Variants in TFR2 observed in about 807,000 individuals in gnomAD.
The protein encoded by TFR2 is transferrin receptor protein 2.
In TFR2, 64 loss-of-function variants were observed where a neutral mutation model predicts 91.9. The ratio of observed to expected loss-of-function variants is 0.70; its 90% confidence interval spans 0.57 to 0.86. The LOEUF is 0.86. Among genes scored for constraint, TFR2 ranks in the 40% least tolerant of loss-of-function variants. The pLI is 0.00. For missense variants in TFR2, 950 were observed against 1,080.5 expected (o/e 0.88, Z 1.69); for synonymous variants, 454 against 459.6 (o/e 0.99, Z 0.15).
In TFR2 at chr7:100,621,013, C is replaced by A. The variant is rs1352362365; in HGVS notation, c.2250G>T (p.Leu750=). ...GGGTCCCGGAGCTGTTGGAGCGCAG[C>A]AGCCGCAGGTGGTCCAGCAGGGCGC... ...TLGALLDHLR[L]LRSNSSGTPG... Residue 750 remains leucine, a synonymous_variant, in exon 18 of 18, where the codon CTG becomes CTT. Transcript: ENST00000223051. The A allele has an allele frequency of 2.5e-6, 4 of 1,603,704 alleles. No individual in the cohort carries two copies. Among genetic ancestry groups the A allele is most frequent in the Non-Finnish European group, 3.4e-6 (4 of 1,175,488 alleles).
At chr7:100,627,043 G>T in intron 16 of TFR2, 140 bp from the exon 17 acceptor site, 2 of 1,388,726 alleles carry the variant, frequency 1.4e-6, no homozygotes, top group Non-Finnish European at 1.9e-6. Flanking sequence ...CGAGGACAGA[G>T]TGCTGGAGGC....
At chr7:100,632,299 A>G in intron 6 of TFR2, 101 bp from the exon 7 acceptor site, 1 of 1,098,688 alleles carries the variant, frequency 9.1e-7, no homozygotes, top group Non-Finnish European at 1.4e-6. Context: ...GCAACTGTCC[A>G]TCCCACGGAG....
intron 17 of TFR2, among the ~76,000 whole-genome samples, chr7:100,624,113 C>G (rs1383734322): frequency 1.3e-5 from 2 of 151,998 alleles, no homozygotes; most frequent in African/African-American, 2.4e-5. Context: ...CACATCACCT[C>G]TCTGCTCAAA....
Position 100,628,269 on chromosome 7 carries a change from C to G in TFR2, c.1428G>C (p.Trp476Cys). Residue 476 changes from tryptophan (W) to cysteine (C), a missense_variant, in exon 11 of 18, where the codon TGG becomes TGC. Transcript: ENST00000223051. The stretch of plus-strand genomic sequence containing the variant: ...CCACGCTTCCAAAGTCACCACCGTC[C>G]CAGCTGATGAAGAGGAGACTTCTGC... ...RPRRSLLFIS[W>C]DGGDFGSVGS... 6.2e-7 allele frequency: 1 copy of G among 1,613,968 alleles called. No homozygotes were observed. Among genetic ancestry groups the G allele is most frequent in the Non-Finnish European group, 8.5e-7 (1 of 1,179,956 alleles).
In TFR2 at chr7:100,629,279, C is replaced by T. The variant is rs41303501; in HGVS notation, c.1364G>A (p.Arg455Gln). 3.0e-3 allele frequency: 4,856 copies of T among 1,614,034 alleles called. 5 individuals are homozygous for T. The highest frequency in any genetic ancestry group is 3.7e-3 in the Non-Finnish European group (4,356 of 1,179,914). The change falls in exon 10 of 18, where the codon CGG (arginine) becomes CAG (glutamine). Residue 455 changes from arginine to glutamine, a missense_variant. Coordinates refer to ENST00000223051, the MANE Select transcript of TFR2 (RefSeq NM_003227.4). ...GTTGCTCACCATGGAGGAAAAGGTC[C>T]GCACCAGCTCCAGGAGTATAGCCGT... The part of the protein sequence containing the change: ...VGTAILLELV[R>Q]TFSSMVSNGF...
chr7:100,641,503 G>A lies in TFR2; in HGVS notation c.7C>T (p.Arg3Trp), dbSNP rs778169466. The change falls in exon 1 of 18, where the codon CGG becomes TGG. Residue 3 changes from arginine to tryptophan, a missense_variant. Physicochemically the swap from Arg to Trp is moderately radical, Grantham distance 101. Transcript: ENST00000223051. ...GCTCTCTGGAATAGACCCCAAAGCC[G>A]CTCCATGCTTGTGTCCCCTCCTGAA... ME[R>W]LWGLFQRAQQ... 8.1e-6 allele frequency: 13 copies of A among 1,613,826 alleles called. No individual in the cohort carries two copies. Among genetic ancestry groups the A allele is most frequent in the Admixed American group, 3.3e-5 (2 of 59,974 alleles).
Position 100,633,496 on chromosome 7 carries a change from G to A in TFR2, c.534C>T (p.Asp178=), listed in dbSNP as rs369114121. The change falls in exon 4 of 18, where the codon GAC becomes GAT. Residue 178 remains aspartate, a synonymous_variant. Coordinates refer to ENST00000223051, the MANE Select transcript of TFR2 (RefSeq NM_003227.4). The part of the protein sequence containing the change: ...GSAGMAALTQ[D]IRAALSRQKL... ...TCTGGCGGGAGAGCGCCGCGCGAAT[G>A]TCCTGAGTCAGAGCGGCCATCCCGG... is the stretch of plus-strand genomic sequence containing the variant. 3.1e-6 allele frequency: 5 copies of A among 1,611,540 alleles called. No homozygotes were observed. The East Asian group carries it at 6.7e-5, about 22-fold the overall frequency.
chr7:100,635,395 C>T (rs1803555428), intron 3 of TFR2, among the ~76,000 whole-genome samples: 1 of 150,738 alleles, frequency 6.6e-6, no homozygotes, highest in South Asian at 2.1e-4. Context: ...GCATGCACCA[C>T]CATACTGGGC....
At chr7:100,630,244 C>A in intron 9 of TFR2, among the ~76,000 whole-genome samples, 1 of 150,926 alleles carries the variant, frequency 6.6e-6, no homozygotes, top group East Asian at 1.9e-4. Flanking sequence ...TTCTCTCTCT[C>A]TCTTTCTTTC....
rs1416331629 is a variant in TFR2, at chr7:100,640,837, A to G, written c.322T>C (p.Cys108Arg). Residue 108 changes from cysteine (C) to arginine (R), a missense_variant, in exon 3 of 18, where the codon TGC (cysteine) becomes CGC (arginine). Physicochemically the swap from Cys to Arg is radical, Grantham distance 180. Transcript: ENST00000223051. ...AACACAGAGTCTCCGCACGCCTGGC[A>G]GGACCCTCGGAAGGCGACGTAGCCC... ...LLGYVAFRGS[C>R]QACGDSVLVV... is the part of the protein sequence containing the mutation. 6.2e-7 allele frequency: 1 copy of G among 1,614,130 alleles called. No homozygotes were observed. Among genetic ancestry groups the G allele is most frequent in the East Asian group, 2.2e-5 (1 of 44,876 alleles).
intron 17 of TFR2, among the ~76,000 whole-genome samples, chr7:100,624,529 T>C (rs112417907): frequency 2.6e-4 from 23 of 89,330 alleles, no homozygotes; most frequent in African/African-American, 1.2e-3. Context: ...AAAGTAGCCA[T>C]AGAGAGCGTG....
chr7:100,632,325 TACCTGGCC>T, intron 6 of TFR2, 127 bp from the exon 7 acceptor site: 1 of 888,982 alleles, frequency 1.1e-6, no homozygotes, highest in Non-Finnish European at 1.8e-6. Flanking sequence ...GTGGGGGCAC[TACCTGGCC>T]TGTGTCTTCC....
chr7:100,627,763 G>A lies in TFR2; in HGVS notation c.1663C>T (p.Pro555Ser). Residue 555 changes from proline (P) to serine (S), a missense_variant, in exon 14 of 18, where the codon CCC becomes TCC. Transcript: ENST00000223051. ...ACTTACACCTCAGCATCCCAGCTGG[G>A]ATTGGTGAACACCACCTGTTCATAG... The part of the protein sequence containing the change: ...TLYEQVVFTN[P>S]SWDAEVIRPL... 1 of 1,613,996 alleles carries A rather than the reference G, an allele frequency of 6.2e-7. No homozygotes were observed.
At position 100,621,138 on chromosome 7, in the gene TFR2, G is replaced by A; in HGVS notation, c.2137-12C>T. 2.0e-6 allele frequency: 3 copies of A among 1,503,846 alleles called. No individual in the cohort carries two copies. Among genetic ancestry groups the A allele is most frequent in the Non-Finnish European group, 2.7e-6 (3 of 1,117,482 alleles). 93.2% of individuals were successfully genotyped at this position (1,503,846 alleles called of 1,614,324 possible). A position where few individuals can be genotyped will look rare whatever the true frequency, so the allele number is the denominator to read the frequency against. On this transcript the variant is annotated splice_polypyrimidine_tract_variant and intron_variant, in intron 17 of 17. Transcript: ENST00000223051. Reference sequence around the variant, plus strand: ...AAGTAGAACTCCACCTGCGCAGAGAGGGGGATCAGGTCAGGGTTGGGGGCT... The same window carrying A: ...AAGTAGAACTCCACCTGCGCAGAGAAGGGGATCAGGTCAGGGTTGGGGGCT...
chr7:100,631,064 G>A lies in TFR2; in HGVS notation c.1107-12C>T, dbSNP rs1237839565. 1.3e-6 allele frequency: 2 copies of A among 1,550,924 alleles called. No individual in the cohort carries two copies. The highest frequency in any genetic ancestry group is 1.2e-5 in the South Asian group (1 of 82,122). On this transcript the variant is annotated splice_polypyrimidine_tract_variant and intron_variant, in intron 8 of 17. Transcript: ENST00000223051. ...GGCCTTTGAGCTTCCTGGAGAGGAG[G>A]AAGGCAGAAAGGGGGAAGTTGTAGA...
intron 8 of TFR2, chr7:100,631,491 G>C: frequency 3.1e-6 from 1 of 324,924 alleles, no homozygotes. Context: ...GGCGTGGTGG[G>C]GGGGCACCTG....
At chr7:100,622,002 G>C (rs1803125565) in intron 17 of TFR2, among the ~76,000 whole-genome samples, 1 of 152,120 alleles carries the variant, frequency 6.6e-6, no homozygotes, top group African/African-American at 2.4e-5. Context: ...AGTAAAATCA[G>C]AATCTCTAGG....
At chr7:100,637,992 C>T (rs779116560) in intron 3 of TFR2, among the ~76,000 whole-genome samples, 7 of 151,554 alleles carry the variant, frequency 4.6e-5, no homozygotes, top group East Asian at 2.0e-4. Flanking sequence ...CCACTACGCC[C>T]GGCTAATTTT....
intron 17 of TFR2, among the ~76,000 whole-genome samples, chr7:100,623,852 C>G (rs546200676): frequency 7.0e-6 from 1 of 143,358 alleles, no homozygotes; most frequent in Non-Finnish European, 1.5e-5. Context: ...GAGTTCAAGA[C>G]CAGCCTGGCC....
Sources: allele counts gnomAD v4.1 joint callset (sites outside exome capture counted in the v4.1 genomes callset), GRCh38; gene constraint gnomAD v4.1.1; transcripts MANE v1.5; gene names NCBI Gene and HGNC (gene_info 2026-07-23, HGNC 2026-07-21).